The following TFDP2 variants were observed in gnomAD, a reference collection of about 807,000 sequenced individuals.
The protein encoded by TFDP2 is transcription factor Dp-2.
A neutral mutation model predicts 59.3 loss-of-function variants in TFDP2; 17 were observed. The observed-to-expected ratio is 0.29, with a 90% CI of 0.20 to 0.43. The LOEUF is 0.43. TFDP2 is among the 20% of genes least tolerant of loss of function. TFDP2 has a pLI of 1.00. For synonymous variants in TFDP2, 180 were observed against 194.7 expected (o/e 0.92, Z 0.63); for missense variants, 391 against 528.8 (o/e 0.74, Z 2.56).
chr3:141,972,225 A>G (rs939727986), intron 8 of TFDP2, among the ~76,000 whole-genome samples: 2 of 152,000 alleles, frequency 1.3e-5, no homozygotes, highest in African/African-American at 4.8e-5. Flanking sequence ...CAGGCCCCTT[A>G]CCTGTCCCTC....
intron 3 of TFDP2, among the ~76,000 whole-genome samples, chr3:142,082,556 A>T (rs1054254865): frequency 6.6e-6 from 1 of 152,120 alleles, no homozygotes; most frequent in Non-Finnish European, 1.5e-5. Context: ...AAACCAGACA[A>T]AGAAACATCA....
At chr3:142,035,630 T>G (rs1014033566) in intron 3 of TFDP2, among the ~76,000 whole-genome samples, 3 of 152,192 alleles carry the variant, frequency 2.0e-5, no homozygotes, top group Non-Finnish European at 2.9e-5. Flanking sequence ...CACTCATATC[T>G]CATCTTGAAT....
intron 3 of TFDP2, among the ~76,000 whole-genome samples, chr3:142,077,416 A>G (rs1163462672): frequency 6.6e-6 from 1 of 152,046 alleles, no homozygotes; most frequent in Admixed American, 6.5e-5. Flanking sequence ...CCTGAAAAAG[A>G]CACTCCTTCT....
At chr3:142,062,441 A>C (rs1016206856) in intron 3 of TFDP2, among the ~76,000 whole-genome samples, 1 of 149,872 alleles carries the variant, frequency 6.7e-6, no homozygotes, top group Non-Finnish European at 1.5e-5. Context: ...ATATATAGTC[A>C]TAAAAAACCA....
intron 9 of TFDP2, among the ~76,000 whole-genome samples, chr3:141,967,167 G>A (rs1439748324): frequency 1.3e-5 from 2 of 150,404 alleles, no homozygotes; most frequent in African/African-American, 4.9e-5. Flanking sequence ...TGCCCACCTC[G>A]GCCTCCCCAA....
At chr3:141,955,508 G>T (rs1057103664) in intron 11 of TFDP2, among the ~76,000 whole-genome samples, 2 of 152,176 alleles carry the variant, frequency 1.3e-5, no homozygotes, top group Admixed American at 6.5e-5. Flanking sequence ...AAGCTGGGTG[G>T]GGAGACGGAA....
chr3:142,040,480 T>A (rs868404669), intron 3 of TFDP2, among the ~76,000 whole-genome samples: 1 of 151,622 alleles, frequency 6.6e-6, no homozygotes, highest in South Asian at 2.1e-4. Flanking sequence ...CAGGCTGGAG[T>A]GCAATAGCAC....
At chr3:142,027,421 T>A (rs1268341800) in intron 3 of TFDP2, among the ~76,000 whole-genome samples, 1 of 152,130 alleles carries the variant, frequency 6.6e-6, no homozygotes, top group Admixed American at 6.5e-5. Context: ...AAACATCTGT[T>A]GCTTTTTTTC....
chr3:141,957,459 C>T (rs890546363), intron 11 of TFDP2, among the ~76,000 whole-genome samples: 4 of 152,082 alleles, frequency 2.6e-5, no homozygotes, highest in African/African-American at 4.8e-5. Context: ...CAATTTCACT[C>T]GTAGGTATAT....
chr3:141,959,715 G>C lies in TFDP2; in HGVS notation c.1010C>G (p.Ala337Gly), dbSNP rs776411928. 1 of 1,614,074 alleles carries C rather than the reference G, an allele frequency of 6.2e-7. No individual in the cohort carries two copies. The highest frequency in any genetic ancestry group is 8.5e-7 in the Non-Finnish European group (1 of 1,180,016). The stretch of plus-strand genomic sequence containing the variant: ...TAAAGCCTTTGGCACCAGGGATTTC[G>C]CAAGTTTCAGATCCTCCAGAGAGCA... Reference protein sequence around the residue: ...GKCSLEDLKLAKSLVPKALEG... With the variant: ...GKCSLEDLKLGKSLVPKALEG... The change falls in exon 11 of 13, where the codon GCG becomes GGG. Residue 337 changes from alanine to glycine, a missense_variant. Ala to Gly is a moderately conservative substitution (Grantham distance 60). Around this residue, in one of 3 missense-constraint regions of TFDP2, gnomAD observed 223 missense variants for 292.5 expected, o/e 0.76. Transcript: ENST00000489671.
At chr3:142,001,495 A>G (rs1387515465) in intron 4 of TFDP2, among the ~76,000 whole-genome samples, 1 of 152,054 alleles carries the variant, frequency 6.6e-6, no homozygotes. Flanking sequence ...CTGAAATGCT[A>G]TGGGTTTATT....
chr3:142,133,365 C>G (rs543578265), intron 1 of TFDP2, among the ~76,000 whole-genome samples: 1 of 149,258 alleles, frequency 6.7e-6, no homozygotes, highest in South Asian at 2.1e-4. Flanking sequence ...TACAGGTGTG[C>G]GCCATCACAC....
intron 5 of TFDP2, 39 bp downstream of exon 5, chr3:141,994,977 CTTTT>C (rs35734248): frequency 2.7e-6 from 4 of 1,464,692 alleles, no homozygotes; most frequent in African/African-American, 1.4e-5. Context: ...AATGTCTAAA[CTTTT>C]TTTAAGGTTT....
In TFDP2 at chr3:141,961,237, G is replaced by GTTTTTT. The variant is rs1177754086; in HGVS notation, c.885-1403_885-1398dup. 4.1e-4 allele frequency among the ~76,000 whole-genome samples: 35 copies of GTTTTTT among 84,674 alleles called. 1 individual carries two copies. The highest frequency in any genetic ancestry group is 5.3e-4 in the African/African-American group (11 of 20,930). 55.5% of individuals were successfully genotyped at this position (84,674 alleles called of 152,430 possible). A position where few individuals can be genotyped will look rare whatever the true frequency, so the allele number is the denominator to read the frequency against. On this transcript the variant is annotated intron_variant, in intron 10 of 12. Coordinates refer to ENST00000489671, the MANE Select transcript of TFDP2 (RefSeq NM_001178139.2). ...TTTCCAGAATTCTCAGTTTTTTGTT[G>GTTTTTT]TTTTTTTTTTTTTTTTTTTTTTTTG... is the stretch of plus-strand genomic sequence containing the variant.
rs113493150 is a variant in TFDP2 at position 142,027,598 on chromosome 3, G to A, written c.83-22054C>T. Among the ~76,000 whole-genome samples, 1,317 of 152,110 alleles carry A rather than the reference G, an allele frequency of 8.7e-3. 21 individuals are homozygous for A. The highest frequency in any genetic ancestry group is 0.03 in the African/African-American group (1,228 of 41,468). ...CACTGTATCTATTAAAAACATCATA[G>A]TTTAGAAACATTCACTTCCTTATTG... is the stretch of plus-strand genomic sequence containing the variant. On this transcript the variant is annotated intron_variant, in intron 3 of 12. Coordinates refer to ENST00000489671, the MANE Select transcript of TFDP2 (RefSeq NM_001178139.2).
At chr3:142,081,664 G>A (rs866254472) in intron 3 of TFDP2, among the ~76,000 whole-genome samples, 6 of 152,020 alleles carry the variant, frequency 3.9e-5, no homozygotes, top group East Asian at 3.9e-4. Flanking sequence ...TTGATACCAC[G>A]GAAATTCATT....
In TFDP2 at chr3:141,959,801, G is replaced by A; in HGVS notation, c.924C>T (p.Ile308=). Residue 308 remains isoleucine (I), a synonymous_variant, in exon 11 of 13, where the codon ATC becomes ATT. Coordinates refer to ENST00000489671, the MANE Select transcript of TFDP2 (RefSeq NM_001178139.2). The part of the protein sequence containing the change: ...YLFNFDNTFE[I]HDDIEVLKRM... ...GCTTTAGTACTTCTATGTCATCATG[G>A]ATCTCAAAGGTGTTGTCAAAATTGA... 6.2e-7 allele frequency: 1 copy of A among 1,614,098 alleles called. No homozygotes were observed. The highest frequency in any genetic ancestry group is 2.2e-5 in the East Asian group (1 of 44,876).
chr3:142,118,348 T>C (rs1023913044), intron 1 of TFDP2, among the ~76,000 whole-genome samples: 1 of 151,920 alleles, frequency 6.6e-6, no homozygotes, highest in Non-Finnish European at 1.5e-5. Context: ...AGTCAGAAAA[T>C]ACAAACAAAA....
intron 1 of TFDP2, 134 bp downstream of exon 1, chr3:142,149,049 A>G: frequency 2.5e-6 from 1 of 392,364 alleles, no homozygotes; most frequent in Non-Finnish European, 4.5e-6. Flanking sequence ...TGGAGAACCC[A>G]GGTCTAAACA....
Sources: gnomAD v4.1 joint callset for allele counts (sites outside exome capture counted in the v4.1 genomes callset) on GRCh38, gnomAD v4.1.1 for gene constraint, gnomAD v4.1.1 regional missense constraint, MANE v1.5 for transcripts, NCBI Gene and HGNC (gene_info 2026-07-23, HGNC 2026-07-21) for gene names.